Variants in PALM2AKAP2 observed in about 807,000 individuals in gnomAD.
PALM2AKAP2 encodes PALM2-AKAP2 fusion protein.
In PALM2AKAP2, 37 loss-of-function variants were observed where a neutral mutation model predicts 71.5. That is an observed-to-expected ratio of 0.52 (90% CI 0.40 to 0.68). The LOEUF is 0.68. Ranked by LOEUF, PALM2AKAP2 falls within the 30% of genes least tolerant of loss-of-function variation. The probability of loss-of-function intolerance (pLI) is 0.00; values close to 1 mark genes in which losing one functional copy is unlikely to be tolerated. For synonymous variants in PALM2AKAP2, 468 were observed against 478.8 expected (o/e 0.98, Z 0.29); for missense variants, 1,224 against 1,191.8 (o/e 1.03, Z -0.40).
intron 2 of PALM2AKAP2, among the ~76,000 whole-genome samples, chr9:110,153,141 G>A (rs1202472855): frequency 5.3e-5 from 8 of 152,214 alleles, no homozygotes. Flanking sequence ...CTCAAGGGAT[G>A]AAATCATCAA....
chr9:109,681,735 A>C (rs1456307536), intron 1 of PALM2AKAP2, among the ~76,000 whole-genome samples: 4 of 152,218 alleles, frequency 2.6e-5, no homozygotes, highest in Non-Finnish European at 5.9e-5. Context: ...TAGTTCAAAA[A>C]TATCACTGTT....
rs191667937 is a variant in PALM2AKAP2, at chr9:109,695,004, C to A, written c.5+54138C>A. ...AAAAAGTATTTTAAAAAGTTGGATTCCTACTTTACTCCTTATACCACAATA... is the reference window on the plus strand; with the variant it reads ...AAAAAGTATTTTAAAAAGTTGGATTACTACTTTACTCCTTATACCACAATA... On this transcript the variant is annotated intron_variant, in intron 1 of 6. Transcript: ENST00000374531. 4.5e-3 allele frequency among the ~76,000 whole-genome samples: 689 copies of A among 152,126 alleles called. 3 individuals carry two copies. Among genetic ancestry groups the A allele is most frequent in the African/African-American group, 0.015 (638 of 41,544 alleles).
At chr9:109,737,707 T>G (rs1828658153) in intron 1 of PALM2AKAP2, among the ~76,000 whole-genome samples, 1 of 152,228 alleles carries the variant, frequency 6.6e-6, no homozygotes, top group African/African-American at 2.4e-5. Flanking sequence ...TAGCACACAG[T>G]CAATTAGTTA....
chr9:110,034,763 C>G (rs1224457817), intron 7 of PALM2AKAP2, among the ~76,000 whole-genome samples: 1 of 151,870 alleles, frequency 6.6e-6, no homozygotes, highest in East Asian at 1.9e-4. Flanking sequence ...CACCACCATG[C>G]CTGGCTAATT....
At chr9:110,007,104 C>G (rs919026733) in intron 6 of PALM2AKAP2, among the ~76,000 whole-genome samples, 2 of 152,106 alleles carry the variant, frequency 1.3e-5, no homozygotes, top group Non-Finnish European at 2.9e-5. Flanking sequence ...AGAATCCTCC[C>G]TTTTCCTGTC....
chr9:110,131,983 C>G (rs946355388), intron 1 of PALM2AKAP2, among the ~76,000 whole-genome samples: 2 of 151,900 alleles, frequency 1.3e-5, no homozygotes, highest in African/African-American at 4.8e-5. Context: ...AAGGAATCAT[C>G]CCAAATTACA....
intron 1 of PALM2AKAP2, among the ~76,000 whole-genome samples, chr9:109,711,108 A>G (rs1828228168): frequency 6.6e-6 from 1 of 152,104 alleles, no homozygotes; most frequent in Non-Finnish European, 1.5e-5. Context: ...CAGGATGCCC[A>G]TATTTGGACA....
intron 1 of PALM2AKAP2, among the ~76,000 whole-genome samples, chr9:110,110,688 A>G (rs931724130): frequency 4.0e-5 from 6 of 151,752 alleles, no homozygotes; most frequent in Admixed American, 2.6e-4. Context: ...CTGGGATTAC[A>G]GGCACCTGCC....
chr9:110,136,818 T>G, exon 2 of PALM2AKAP2: 1 of 1,614,110 alleles, frequency 6.2e-7, no homozygotes, highest in Non-Finnish European at 8.5e-7. Context: ...TCCAAGCTCT[T>G]TGAGGATGAC....
intron 7 of PALM2AKAP2, among the ~76,000 whole-genome samples, chr9:110,037,214 T>G (rs1421820724): frequency 2.0e-5 from 3 of 152,232 alleles, no homozygotes; most frequent in African/African-American, 7.2e-5. Context: ...TTGTTTGTTT[T>G]TTTGAAACAG....
At chr9:109,967,571 A>C (rs1324306780) in intron 6 of PALM2AKAP2, among the ~76,000 whole-genome samples, 17 of 152,050 alleles carry the variant, frequency 1.1e-4, no homozygotes, top group African/African-American at 3.9e-4. Flanking sequence ...CACCACACCC[A>C]GCTAATTTTT....
chr9:110,057,312 G>A (rs1172303438), intron 1 of PALM2AKAP2, among the ~76,000 whole-genome samples: 1 of 151,748 alleles, frequency 6.6e-6, no homozygotes, highest in African/African-American at 2.4e-5. Context: ...TAACCATCCA[G>A]GGGTCCCACA....
At chr9:110,047,861 G>A (rs1300310329), upstream of PALM2AKAP2, among the ~76,000 whole-genome samples, 2 of 152,170 alleles carry the variant, frequency 1.3e-5, no homozygotes, top group Non-Finnish European at 2.9e-5. Context: ...AAATATTCAT[G>A]GTGGAGGAGG....
chr9:109,758,167 T>C (rs1470395412), intron 1 of PALM2AKAP2, among the ~76,000 whole-genome samples: 1 of 152,120 alleles, frequency 6.6e-6, no homozygotes, highest in Non-Finnish European at 1.5e-5. Flanking sequence ...ATAATATATC[T>C]TCATGCTTGC....
intron 1 of PALM2AKAP2, among the ~76,000 whole-genome samples, chr9:109,674,035 T>G (rs1827613697): frequency 6.6e-6 from 1 of 152,182 alleles, no homozygotes; most frequent in Middle Eastern, 3.4e-3. Flanking sequence ...TACCAATGGG[T>G]CTTTCATTTT....
At chr9:109,899,237 A>G (rs1343419251) in intron 3 of PALM2AKAP2, among the ~76,000 whole-genome samples, 1 of 152,114 alleles carries the variant, frequency 6.6e-6, no homozygotes, top group Non-Finnish European at 1.5e-5. Context: ...TCTTAATCTC[A>G]TTGAAAAACA....
intron 1 of PALM2AKAP2, among the ~76,000 whole-genome samples, chr9:109,641,069 G>A (rs1827059120): frequency 6.6e-6 from 1 of 152,240 alleles, no homozygotes; most frequent in African/African-American, 2.4e-5. Flanking sequence ...TGGTTTTTGC[G>A]GCTGCCCCTT....
At chr9:110,069,911 G>A (rs1390222545) in intron 1 of PALM2AKAP2, among the ~76,000 whole-genome samples, 3 of 152,160 alleles carry the variant, frequency 2.0e-5, no homozygotes, top group South Asian at 2.1e-4. Flanking sequence ...ATAATCAGGC[G>A]GCTATTTCCG....
chr9:110,047,658 GCAAAGCTGAATT>G (rs1483341634), upstream of PALM2AKAP2, among the ~76,000 whole-genome samples: 9 of 152,162 alleles, frequency 5.9e-5, no homozygotes, highest in Non-Finnish European at 1.0e-4. Flanking sequence ...CGTGCCTAGG[GCAAAGCTGAATT>G]CAAGAAATCT....
Sources: gnomAD v4.1 joint callset for allele counts (sites outside exome capture counted in the v4.1 genomes callset) on GRCh38, gnomAD v4.1.1 for gene constraint, MANE v1.5 for transcripts, NCBI Gene and HGNC (gene_info 2026-07-23, HGNC 2026-07-21) for gene names.